HPSE2: variants seen among roughly 807,000 people sequenced by gnomAD.
HPSE2 encodes the protein heparanase 2 (inactive).
HPSE2 carries 38 observed loss-of-function variants against 60.5 expected under a neutral mutation model. That is an observed-to-expected ratio of 0.63 (90% CI 0.48 to 0.82). The LOEUF is 0.82. Ranked by LOEUF, HPSE2 falls within the 40% of genes least tolerant of loss-of-function variation. HPSE2 has a pLI of 0.00. For missense variants in HPSE2, 713 were observed against 740.4 expected (o/e 0.96, Z 0.43); for synonymous variants, 295 against 293.2 (o/e 1.01, Z -0.06).
At chr10:98,582,340 T>G (rs1249074975) in intron 9 of HPSE2, among the ~76,000 whole-genome samples, 2 of 152,226 alleles carry the variant, frequency 1.3e-5, no homozygotes, top group African/African-American at 4.8e-5. Context: ...GTATTTGCTC[T>G]TTTAAATTGT....
At chr10:98,660,626 GTC>G (rs1329297320) in intron 6 of HPSE2, among the ~76,000 whole-genome samples, 1 of 152,218 alleles carries the variant, frequency 6.6e-6, no homozygotes, top group Non-Finnish European at 1.5e-5. Context: ...CATCAGCTGT[GTC>G]TCTGCACTTT....
chr10:98,924,286 G>A lies in HPSE2; in HGVS notation c.611-180230C>T, dbSNP rs11189869. On this transcript the variant is annotated intron_variant, in intron 3 of 11. Transcript: ENST00000370552. The stretch of plus-strand genomic sequence containing the variant: ...GGTGTAGTGATGCAATCACCCCTGT[G>A]GCCACCACCACTGGGACTGTGCTGG... 1.8e-3 allele frequency among the ~76,000 whole-genome samples: 267 copies of A among 152,294 alleles called. 1 individual carries two copies. The highest frequency in any genetic ancestry group is 6.0e-3 in the African/African-American group (249 of 41,566).
At chr10:98,974,429 G>A (rs768302620) in intron 3 of HPSE2, among the ~76,000 whole-genome samples, 51 of 152,152 alleles carry the variant, frequency 3.4e-4, no homozygotes, top group African/African-American at 1.1e-3. Context: ...CTTAATGCCC[G>A]GCTAATTTTT....
At chr10:98,598,221 C>T (rs1945301060) in intron 9 of HPSE2, among the ~76,000 whole-genome samples, 1 of 152,080 alleles carries the variant, frequency 6.6e-6, no homozygotes, top group African/African-American at 2.4e-5. Context: ...TGCAGAGTGG[C>T]TTTACCAGTC....
At chr10:98,513,622 G>A (rs939990945) in intron 9 of HPSE2, among the ~76,000 whole-genome samples, 3 of 152,038 alleles carry the variant, frequency 2.0e-5, no homozygotes, top group African/African-American at 7.2e-5. Flanking sequence ...ATGTTGTCTG[G>A]GCTCAAAAAA....
chr10:98,645,781 A>G (rs1946751394), intron 6 of HPSE2, among the ~76,000 whole-genome samples: 1 of 152,084 alleles, frequency 6.6e-6, no homozygotes. Flanking sequence ...GATCAAGACC[A>G]TCCTGGCTAA....
chr10:98,496,984 AC>A (rs1386827549), intron 9 of HPSE2, among the ~76,000 whole-genome samples: 1 of 152,108 alleles, frequency 6.6e-6, no homozygotes, highest in Admixed American at 6.5e-5. Context: ...AGGATTAGAT[AC>A]ATCTTCACTT....
chr10:99,123,677 T>C (rs757151670), intron 3 of HPSE2, among the ~76,000 whole-genome samples: 11 of 152,204 alleles, frequency 7.2e-5, no homozygotes, highest in Non-Finnish European at 1.3e-4. Context: ...GTTGCTTTAT[T>C]GAGTGACTAT....
intron 3 of HPSE2, among the ~76,000 whole-genome samples, chr10:99,122,969 T>A (rs1845016374): frequency 6.6e-6 from 1 of 152,076 alleles, no homozygotes; most frequent in African/African-American, 2.4e-5. Flanking sequence ...TAGGTACAAA[T>A]ACATGTGGGA....
intron 3 of HPSE2, among the ~76,000 whole-genome samples, chr10:98,800,959 T>G (rs1437338783): frequency 6.6e-6 from 1 of 152,166 alleles, no homozygotes; most frequent in Admixed American, 6.6e-5. Flanking sequence ...TGATGATTAT[T>G]CATGCAAAAA....
chr10:99,240,624 G>A (rs1384563699), upstream of HPSE2, among the ~76,000 whole-genome samples: 1 of 152,062 alleles, frequency 6.6e-6, no homozygotes, highest in Admixed American at 6.5e-5. Context: ...GTGTTAGCCA[G>A]GATGGTCTTG....
At chr10:99,232,559 G>A (rs1342178441) in intron 1 of HPSE2, 54 bp from the exon 2 acceptor site, 2 of 1,537,116 alleles carry the variant, frequency 1.3e-6, no homozygotes, top group East Asian at 2.4e-5. Flanking sequence ...ACGAGAGCGC[G>A]TGGGGCACGG....
intron 7 of HPSE2, 67 bp from the exon 8 acceptor site, chr10:98,620,775 C>T (rs2133986614): frequency 2.9e-6 from 3 of 1,024,932 alleles, no homozygotes; most frequent in Middle Eastern, 2.0e-4. Flanking sequence ...TGAGAAGAAA[C>T]ACACATTCCC....
chr10:98,980,021 C>A (rs1956170583), intron 3 of HPSE2, among the ~76,000 whole-genome samples: 1 of 152,138 alleles, frequency 6.6e-6, no homozygotes. Flanking sequence ...ACGCTGCAGG[C>A]CAGTAATTAT....
intron 3 of HPSE2, among the ~76,000 whole-genome samples, chr10:98,954,963 T>C (rs149573418): frequency 1.5e-4 from 15 of 100,856 alleles, no homozygotes; most frequent in Admixed American, 5.5e-4. Flanking sequence ...CAATTTTATA[T>C]ATATATATAC....
chr10:99,068,435 A>G (rs1032489164), intron 3 of HPSE2, among the ~76,000 whole-genome samples: 7 of 152,206 alleles, frequency 4.6e-5, no homozygotes, highest in African/African-American at 1.7e-4. Flanking sequence ...CACATCTTAC[A>G]TGGCAGCAGG....
At chr10:99,006,670 G>C (rs559869074) in intron 3 of HPSE2, among the ~76,000 whole-genome samples, 2 of 152,236 alleles carry the variant, frequency 1.3e-5, no homozygotes, top group African/African-American at 4.8e-5. Context: ...AGGGCTTCAG[G>C]GGATGGCCTC....
chr10:99,208,766 G>T (rs1183219613), intron 2 of HPSE2, among the ~76,000 whole-genome samples: 1 of 151,892 alleles, frequency 6.6e-6, no homozygotes, highest in African/African-American at 2.4e-5. Context: ...GCCTACAAGA[G>T]ACTTACTTCT....
chr10:98,593,668 A>G (rs1467924181), intron 9 of HPSE2, among the ~76,000 whole-genome samples: 1 of 152,144 alleles, frequency 6.6e-6, no homozygotes, highest in African/African-American at 2.4e-5. Flanking sequence ...GGCTTCATAG[A>G]GTTTAGAGGT....
Sources: gnomAD v4.1 joint callset for allele counts (sites outside exome capture counted in the v4.1 genomes callset) on GRCh38, gnomAD v4.1.1 for gene constraint, MANE v1.5 for transcripts, NCBI Gene and HGNC (gene_info 2026-07-23, HGNC 2026-07-21) for gene names.